VGLL3: variants seen among roughly 807,000 people sequenced by gnomAD.
VGLL3 encodes transcription cofactor vestigial-like protein 3.
A neutral mutation model predicts 29.2 loss-of-function variants in VGLL3; 18 were observed. The observed-to-expected ratio is 0.62, with a 90% CI of 0.43 to 0.91. The LOEUF (loss-of-function observed/expected upper bound fraction) is 0.91. Ranked by LOEUF, VGLL3 falls within the 40% of genes least tolerant of loss-of-function variation. The pLI is 0.00. For missense variants in VGLL3, 440 were observed against 413.2 expected (o/e 1.06, Z -0.56); for synonymous variants, 180 against 151.8 (o/e 1.19, Z -1.36).
chr3:86,984,697 G>A (rs551882174), intron 1 of VGLL3, among the ~76,000 whole-genome samples: 5 of 152,010 alleles, frequency 3.3e-5, no homozygotes, highest in Admixed American at 3.3e-4. Context: ...TTATCTAGTT[G>A]TCAATTAATA....
chr3:86,956,682 G>A (rs1453767593), intron 3 of VGLL3, among the ~76,000 whole-genome samples: 1 of 151,786 alleles, frequency 6.6e-6, no homozygotes, highest in Non-Finnish European at 1.5e-5. Flanking sequence ...CTACTCAGGA[G>A]GCTGAGGCAG....
chr3:86,956,006 C>T (rs1459423535), intron 3 of VGLL3, among the ~76,000 whole-genome samples: 1 of 152,114 alleles, frequency 6.6e-6, no homozygotes, highest in Non-Finnish European at 1.5e-5. Context: ...TTTGTGAAAC[C>T]TTATATTACT....
At chr3:86,952,680 C>G (rs1704639418) in intron 3 of VGLL3, among the ~76,000 whole-genome samples, 1 of 152,076 alleles carries the variant, frequency 6.6e-6, no homozygotes, top group South Asian at 2.1e-4. Context: ...ACTATAAGAA[C>G]CTGGTAACAT....
Position 86,947,016 on chromosome 3 carries a change from T to C in VGLL3, c.*8A>G, listed in dbSNP as rs551102255. On this transcript the variant is annotated 3_prime_UTR_variant, in exon 4 of 4. Coordinates refer to ENST00000398399, the MANE Select transcript of VGLL3 (RefSeq NM_016206.4). ...ATGCTGCAACTTAACTCACTAAGAT[T>C]GTGTGTTTCAGTACCACGGTGATTC... 5.1e-6 allele frequency: 4 copies of C among 780,348 alleles called. No individual in the cohort carries two copies. Among genetic ancestry groups the C allele is most frequent in the Non-Finnish European group, 9.6e-6 (4 of 417,766 alleles). The allele number at this position is 780,348 out of a possible 1,614,324, so 48.3% of individuals were successfully genotyped here. A position where few individuals can be genotyped will look rare whatever the true frequency, so the allele number is the denominator to read the frequency against.
At chr3:86,980,577 C>T (rs1166966756) in intron 1 of VGLL3, among the ~76,000 whole-genome samples, 1 of 151,940 alleles carries the variant, frequency 6.6e-6, no homozygotes, top group Non-Finnish European at 1.5e-5. Context: ...CAGATTTGAA[C>T]ATGTTTATAT....
chr3:86,960,976 G>GT (rs2106993406), intron 3 of VGLL3, among the ~76,000 whole-genome samples: 1 of 145,148 alleles, frequency 6.9e-6, no homozygotes, highest in South Asian at 2.2e-4. Context: ...TGCATATGAT[G>GT]TTGTTTTGTT....
intron 2 of VGLL3, among the ~76,000 whole-genome samples, chr3:86,970,547 CA>C (rs917191442): frequency 6.7e-6 from 1 of 149,904 alleles, no homozygotes; most frequent in East Asian, 2.0e-4. Flanking sequence ...ATTTGAAAGA[CA>C]AAAAGAGTTC....
In VGLL3 at chr3:86,990,797, C is replaced by T; in HGVS notation, c.-54G>A. On this transcript the variant is annotated 5_prime_UTR_variant, in exon 1 of 4. Coordinates refer to ENST00000398399, the MANE Select transcript of VGLL3 (RefSeq NM_016206.4). The stretch of plus-strand genomic sequence containing the variant: ...CTGCCGCCGCCGCTCTACGCGCTGG[C>T]GCGAGGGGCGCGGGCGCCGCCGCCG... 1.4e-5 allele frequency: 17 copies of T among 1,233,506 alleles called. No individual in the cohort carries two copies. The highest frequency in any genetic ancestry group is 1.7e-5 in the Non-Finnish European group (17 of 982,410). The allele number at this position is 1,233,506 out of a possible 1,614,324, so 76.4% of individuals were successfully genotyped here. A position where few individuals can be genotyped will look rare whatever the true frequency, so the allele number is the denominator to read the frequency against.
rs962833021 is a variant in VGLL3, at chr3:86,939,739, G to A, written c.*7285C>T. On this transcript the variant is annotated 3_prime_UTR_variant, in exon 4 of 4. Coordinates refer to ENST00000398399, the MANE Select transcript of VGLL3 (RefSeq NM_016206.4). ...TGTAATCACATGAGTCCTTAAATAT[G>A]TAAGGGAGAGGAAGAAGAGGAAGTC... The A allele has an allele frequency of 6.6e-6, 1 of 152,264 alleles. No homozygotes were observed. Among genetic ancestry groups the A allele is most frequent in the Non-Finnish European group, 1.5e-5 (1 of 68,092 alleles). 9.4% of individuals were successfully genotyped at this position (152,264 alleles called of 1,614,324 possible).
intron 3 of VGLL3, among the ~76,000 whole-genome samples, chr3:86,949,602 G>A (rs992338526): frequency 2.0e-5 from 3 of 151,786 alleles, no homozygotes; most frequent in Non-Finnish European, 2.9e-5. Flanking sequence ...CGAGGCGGGC[G>A]GATCACGAGG....
intron 3 of VGLL3, among the ~76,000 whole-genome samples, chr3:86,947,664 T>C (rs915255507): frequency 2.0e-5 from 3 of 152,194 alleles, no homozygotes; most frequent in African/African-American, 7.2e-5. Flanking sequence ...TTAATTTACT[T>C]ATTTTATCTT....
chr3:86,963,697 T>C (rs574855583), intron 3 of VGLL3, among the ~76,000 whole-genome samples: 11 of 152,362 alleles, frequency 7.2e-5, no homozygotes, highest in African/African-American at 2.4e-4. Flanking sequence ...TATTTGTAAA[T>C]GCTTTACTGC....
intron 3 of VGLL3, among the ~76,000 whole-genome samples, chr3:86,947,913 A>G (rs1022534175): frequency 6.6e-6 from 1 of 151,888 alleles, no homozygotes; most frequent in Non-Finnish European, 1.5e-5. Context: ...TTCACATAGC[A>G]CCTTCAATTT....
At chr3:86,979,730 C>T (rs553585363) in intron 1 of VGLL3, among the ~76,000 whole-genome samples, 4 of 151,960 alleles carry the variant, frequency 2.6e-5, no homozygotes, top group Admixed American at 6.6e-5. Context: ...ATGTAAGCTG[C>T]AGAGTCAGAA....
chr3:86,988,737 A>G (rs1705513883), intron 1 of VGLL3, among the ~76,000 whole-genome samples: 1 of 56,544 alleles, frequency 1.8e-5, no homozygotes, highest in South Asian at 7.5e-4. Context: ...AAAATTTCCA[A>G]GCACCTCCCT....
In VGLL3 at chr3:86,978,618, T is replaced by C. The variant is rs755472716; in HGVS notation, c.311A>G (p.Glu104Gly). ...TTGGCCCAAAGCTCTTGAGAAGTGT[T>C]CATCCACTACTGACCCAATGTCTCC... ...FQGDIGSVVDEHFSRALGQAI... is the reference protein window; with the variant it reads ...FQGDIGSVVDGHFSRALGQAI... The change falls in exon 2 of 4, where the codon GAA becomes GGA. Residue 104 changes from glutamate to glycine, a missense_variant. Coordinates refer to ENST00000398399, the MANE Select transcript of VGLL3 (RefSeq NM_016206.4). The C allele has an allele frequency of 6.2e-7, 1 of 1,614,044 alleles. No individual in the cohort carries two copies. The highest frequency in any genetic ancestry group is 8.5e-7 in the Non-Finnish European group (1 of 1,180,028).
At position 86,968,970 on chromosome 3, in the gene VGLL3, G is replaced by A; in HGVS notation, c.557C>T (p.Pro186Leu). The change falls in exon 3 of 4, where the codon CCT becomes CTT. Residue 186 changes from proline to leucine, a missense_variant. Transcript: ENST00000398399. ...CTGATGCAGGTTGTGTCCCGGCCAA[G>A]GACTGGGATCAGCTGCAGAAAAGGT... ...PGTFSAADPS[P>L]WPGHNLHQTG... 1.2e-6 allele frequency: 2 copies of A among 1,614,102 alleles called. No individual in the cohort carries two copies. Among genetic ancestry groups the A allele is most frequent in the Non-Finnish European group, 1.7e-6 (2 of 1,180,032 alleles).
intron 2 of VGLL3, among the ~76,000 whole-genome samples, chr3:86,973,553 A>G (rs1242586431): frequency 6.6e-6 from 1 of 152,202 alleles, no homozygotes; most frequent in East Asian, 1.9e-4. Context: ...GAGTTGCTCA[A>G]AATGGGCCTT....
rs990756471 is a variant in VGLL3 at position 86,940,269 on chromosome 3, T to C, written c.*6755A>G. On this transcript the variant is annotated 3_prime_UTR_variant, in exon 4 of 4. Transcript: ENST00000398399. Reference sequence around the variant, plus strand: ...TGAATCGTAGAAAAGTTTTTGTTTGTTTTTTCATACTACTTATGGCAGAGT... The same window carrying C: ...TGAATCGTAGAAAAGTTTTTGTTTGCTTTTTCATACTACTTATGGCAGAGT... The C allele has an allele frequency of 2.3e-4, 35 of 152,616 alleles. No individual in the cohort carries two copies. The highest frequency in any genetic ancestry group is 7.7e-4 in the African/African-American group (32 of 41,566). 9.5% of individuals were successfully genotyped at this position (152,616 alleles called of 1,614,324 possible).
Sources: allele counts gnomAD v4.1 joint callset (sites outside exome capture counted in the v4.1 genomes callset), GRCh38; gene constraint gnomAD v4.1.1; transcripts MANE v1.5; gene names NCBI Gene and HGNC (gene_info 2026-07-23, HGNC 2026-07-21).